Variants in PPAT observed in about 807,000 individuals in gnomAD.
The protein encoded by PPAT is phosphoribosyl pyrophosphate amidotransferase.
PPAT carries 20 observed loss-of-function variants against 60.2 expected under a neutral mutation model. The ratio of observed to expected loss-of-function variants is 0.33; its 90% CI spans 0.23 to 0.48. The LOEUF (loss-of-function observed/expected upper bound fraction) is 0.48, where lower values mean the gene tolerates loss of function less well. Among genes scored for constraint, PPAT ranks in the 20% least tolerant of loss-of-function variants. The pLI, the probability that PPAT is intolerant of heterozygous loss-of-function variation, is 0.99. For synonymous variants in PPAT, 194 were observed against 215.1 expected, an observed-to-expected ratio of 0.90 and a Z score of 0.86; for missense variants, 349 against 629.6, an observed-to-expected ratio of 0.55 and a Z score of 4.77.
intron 3 of PPAT, among the ~76,000 whole-genome samples, chr4:56,405,523 C>T (rs978690773): frequency 2.0e-5 from 3 of 152,154 alleles, no homozygotes; most frequent in Non-Finnish European, 4.4e-5. Flanking sequence ...TCCCTGGACC[C>T]CCAGGGAAGG....
At chr4:56,417,164 T>C (rs1009550567) in intron 1 of PPAT, among the ~76,000 whole-genome samples, 20 of 152,288 alleles carry the variant, frequency 1.3e-4, no homozygotes, top group Middle Eastern at 3.4e-3. Context: ...TAATTTCTTA[T>C]TGAAGCTAGA....
chr4:56,404,334 T>C (rs561520383), intron 3 of PPAT, among the ~76,000 whole-genome samples: 1 of 152,318 alleles, frequency 6.6e-6, no homozygotes, highest in East Asian at 1.9e-4. Flanking sequence ...CTGGGTTTGT[T>C]AGTGATCATA....
intron 1 of PPAT, among the ~76,000 whole-genome samples, chr4:56,430,641 G>A (rs560166482): frequency 2.9e-4 from 44 of 151,490 alleles, no homozygotes; most frequent in Non-Finnish European, 5.2e-4. Context: ...ATTTTTCTAT[G>A]TCTGGATATA....
rs1261257963 is a variant in PPAT at position 56,398,812 on chromosome 4, TTTA to T, written c.1236+364_1236+366del. On this transcript the variant is annotated intron_variant, in intron 9 of 10. Coordinates refer to ENST00000264220, the MANE Select transcript of PPAT (RefSeq NM_002703.5). ...AATTTTAGGTTTTTTAAAATTTAAT[TTTA>T]TTATTATCTTTTATTTTTGTAGAGA... Among the ~76,000 whole-genome samples the T allele has an allele frequency of 5.3e-5, 8 of 152,054 alleles. No individual in the cohort carries two copies. The South Asian group carries it at 1.0e-3, about 20-fold the overall frequency.
intron 1 of PPAT, among the ~76,000 whole-genome samples, chr4:56,415,113 T>A (rs1396872082): frequency 6.6e-6 from 1 of 152,198 alleles, no homozygotes; most frequent in African/African-American, 2.4e-5. Context: ...AACATAATGG[T>A]GAATCATGAT....
intron 1 of PPAT, among the ~76,000 whole-genome samples, chr4:56,424,187 C>A (rs536758061): frequency 6.6e-6 from 1 of 152,180 alleles, no homozygotes; most frequent in Non-Finnish European, 1.5e-5. Context: ...TCTTTCCTAT[C>A]TTAAATGTAT....
intron 1 of PPAT, chr4:56,410,393 A>G (rs1716387491): frequency 3.6e-6 from 1 of 280,868 alleles, no homozygotes; most frequent in African/African-American, 2.3e-5. Context: ...TCCCTCAGGC[A>G]GCTTGAACCA....
At chr4:56,409,694 G>A (rs775300486) in intron 1 of PPAT, among the ~76,000 whole-genome samples, 3 of 152,196 alleles carry the variant, frequency 2.0e-5, no homozygotes, top group East Asian at 1.9e-4. Flanking sequence ...TTCTGAACAA[G>A]TGCTATAAAT....
intron 1 of PPAT, among the ~76,000 whole-genome samples, chr4:56,417,965 G>A (rs1012044528): frequency 6.6e-6 from 1 of 150,928 alleles, no homozygotes; most frequent in Non-Finnish European, 1.5e-5. Context: ...TCAGCCTCCT[G>A]AGTAGCTGGG....
rs1715879180 is a variant in PPAT, at chr4:56,393,473, C to T, written c.*1879G>A. 6.6e-6 allele frequency: 1 copy of T among 152,008 alleles called. No homozygotes were observed. The highest frequency in any genetic ancestry group is 1.5e-5 in the Non-Finnish European group (1 of 68,020). The allele number at this position is 152,008 out of a possible 1,614,324, so 9.4% of individuals were successfully genotyped here. The stretch of plus-strand genomic sequence containing the variant: ...TCCCGTGAAAACACATTTTTCATCT[C>T]TGCAGTTTATAATACTCTACGTATA... On this transcript the variant is annotated 3_prime_UTR_variant, in exon 11 of 11. Coordinates refer to ENST00000264220, the MANE Select transcript of PPAT (RefSeq NM_002703.5).
chr4:56,396,475 T>G lies in PPAT; in HGVS notation c.1357+144A>C. ...TGCCCATGCCCACTACTCTCACTGT[T>G]GAGAATAGTATTCAATATCTGTTTA... On this transcript the variant is annotated intron_variant, in intron 10 of 10. Transcript: ENST00000264220. The surrounding 1 kb of genome is among the most constrained non-coding windows in gnomAD (Gnocchi z 4.6). 3.8e-6 allele frequency: 3 copies of G among 796,486 alleles called. No homozygotes were observed. The highest frequency in any genetic ancestry group is 5.6e-6 in the Non-Finnish European group (3 of 533,676). The allele number at this position is 796,486 out of a possible 1,614,324, so 49.3% of individuals were successfully genotyped here.
chr4:56,408,829 AC>A (rs1250108082), intron 1 of PPAT, among the ~76,000 whole-genome samples: 2 of 152,130 alleles, frequency 1.3e-5, no homozygotes, highest in African/African-American at 4.8e-5. Context: ...AAACCCATTA[AC>A]ATCCTCTGTA....
intron 1 of PPAT, among the ~76,000 whole-genome samples, chr4:56,429,458 T>C (rs1717467414): frequency 6.6e-6 from 1 of 152,142 alleles, no homozygotes; most frequent in African/African-American, 2.4e-5. Flanking sequence ...GGAGCTGTAA[T>C]TCCAAAATGA....
intron 1 of PPAT, among the ~76,000 whole-genome samples, chr4:56,432,424 A>G (rs1317471507): frequency 6.6e-6 from 1 of 151,178 alleles, no homozygotes; most frequent in Non-Finnish European, 1.5e-5. Context: ...GCTACTCGGG[A>G]GACAGGTACG....
At chr4:56,407,466 G>A (rs1480244903) in intron 2 of PPAT, among the ~76,000 whole-genome samples, 184 bp downstream of exon 2, 1 of 152,042 alleles carries the variant, frequency 6.6e-6, no homozygotes, top group Non-Finnish European at 1.5e-5. Context: ...TTACAGGCAT[G>A]CGCCACCACG....
intron 1 of PPAT, chr4:56,410,920 A>G (rs901508559): frequency 8.7e-5 from 83 of 951,524 alleles, no homozygotes; most frequent in East Asian, 1.1e-4. Flanking sequence ...AAAAAAAAAA[A>G]AAAAAAAAGA....
At chr4:56,411,419 TGAA>T (rs1346644096) in intron 1 of PPAT, among the ~76,000 whole-genome samples, 9 of 152,166 alleles carry the variant, frequency 5.9e-5, no homozygotes, top group Non-Finnish European at 8.8e-5. Context: ...ATTTTAACAA[TGAA>T]GAAGAACAGC....
At chr4:56,423,404 CT>C (rs1276242421) in intron 1 of PPAT, 2 of 152,160 alleles carry the variant, frequency 1.3e-5, no homozygotes, top group Non-Finnish European at 2.9e-5. Flanking sequence ...TGAAGCATGA[CT>C]TAAGCCCAGG....
chr4:56,399,229 T>C lies in PPAT; in HGVS notation c.1186A>G (p.Asn396Asp). 1 of 1,613,976 alleles carries C rather than the reference T, an allele frequency of 6.2e-7. No individual in the cohort carries two copies. Among genetic ancestry groups the C allele is most frequent in the Non-Finnish European group, 8.5e-7 (1 of 1,179,868 alleles). Residue 396 changes from asparagine to aspartate, a missense_variant, in exon 9 of 11, where the codon AAT (asparagine) becomes GAT (aspartate). Physicochemically the swap from Asn to Asp is conservative, Grantham distance 23. Transcript: ENST00000264220. ...VLVDDSIVRG[N>D]TISPIIKLLK... is the part of the protein sequence containing the mutation. ...AGTTTTATTATAGGTGAGATGGTAT[T>C]GCCTCTGACAATTGAATCATCTACA...
Sources: gnomAD v4.1 joint callset for allele counts (sites outside exome capture counted in the v4.1 genomes callset) on GRCh38, gnomAD v4.1.1 for gene constraint, Gnocchi (gnomAD v3.1) non-coding constraint, MANE v1.5 for transcripts, NCBI Gene and HGNC (gene_info 2026-07-23, HGNC 2026-07-21) for gene names.